Variants in GRID1 observed in about 807,000 individuals in gnomAD.
The protein encoded by GRID1 is glutamate ionotropic receptor delta type subunit 1.
A neutral mutation model predicts 98.0 loss-of-function variants in GRID1; 28 were observed. The ratio of observed to expected loss-of-function variants is 0.29; its 90% CI spans 0.21 to 0.39. The LOEUF (loss-of-function observed/expected upper bound fraction) is 0.39, where lower values mean the gene tolerates loss of function less well. GRID1 is among the 10% of genes least tolerant of loss of function. GRID1 has a pLI of 1.00. For synonymous variants in GRID1, 553 were observed against 538.5 expected, an observed-to-expected ratio of 1.03 and a Z score of -0.37; for missense variants, 1,111 against 1,340.5, an observed-to-expected ratio of 0.83 and a Z score of 2.67.
intron 3 of GRID1, among the ~76,000 whole-genome samples, chr10:86,200,469 G>A (rs1845931503): frequency 1.3e-5 from 2 of 152,206 alleles, no homozygotes; most frequent in Non-Finnish European, 2.9e-5. Context: ...GCTCGCAGAG[G>A]GGCAGGGGAG....
chr10:85,749,258 C>T (rs943319418), intron 8 of GRID1, among the ~76,000 whole-genome samples: 5 of 152,148 alleles, frequency 3.3e-5, no homozygotes, highest in Admixed American at 6.5e-5. Flanking sequence ...GCTTCTGGCT[C>T]AGAGCACTTA....
At chr10:86,010,232 T>C (rs1190162890) in intron 4 of GRID1, among the ~76,000 whole-genome samples, 1 of 152,236 alleles carries the variant, frequency 6.6e-6, no homozygotes, top group African/African-American at 2.4e-5. Flanking sequence ...ACAATGGCTA[T>C]CATGATGTTA....
At chr10:86,030,623 T>C (rs998852341) in intron 4 of GRID1, among the ~76,000 whole-genome samples, 5 of 152,168 alleles carry the variant, frequency 3.3e-5, no homozygotes, top group Admixed American at 6.5e-5. Flanking sequence ...CAGCAGTAAG[T>C]AGCCAGAAAG....
At chr10:85,883,492 GTCTCTCTCTCTCTCTCTGTC>G (rs893294329) in intron 5 of GRID1, among the ~76,000 whole-genome samples, 4 of 133,318 alleles carry the variant, frequency 3.0e-5, no homozygotes, top group South Asian at 2.4e-4. Flanking sequence ...TTCTCTCTCT[GTCTCTCTCTCTCTCTCTGTC>G]TCTCTCTCTC....
At chr10:85,876,468 T>C (rs1461600885) in intron 5 of GRID1, among the ~76,000 whole-genome samples, 2 of 152,172 alleles carry the variant, frequency 1.3e-5, no homozygotes, top group Non-Finnish European at 2.9e-5. Context: ...TAACCCAAGA[T>C]AATCGCCCCA....
intron 2 of GRID1, among the ~76,000 whole-genome samples, chr10:86,295,310 G>A (rs1847572687): frequency 6.6e-6 from 1 of 152,294 alleles, no homozygotes; most frequent in Non-Finnish European, 1.5e-5. Flanking sequence ...AAGGAGAGGA[G>A]GGAGAGAACT....
intron 8 of GRID1, among the ~76,000 whole-genome samples, chr10:85,729,939 G>A (rs1333268560): frequency 6.6e-6 from 1 of 152,216 alleles, no homozygotes; most frequent in Admixed American, 6.5e-5. Flanking sequence ...TCACTGTGAT[G>A]CCTGCAAAAT....
At chr10:85,617,640 A>G (rs999876900) in intron 14 of GRID1, among the ~76,000 whole-genome samples, 6 of 152,204 alleles carry the variant, frequency 3.9e-5, no homozygotes, top group African/African-American at 1.2e-4. Context: ...AAGATGAGGA[A>G]ACTGTGGGAA....
chr10:85,743,843 T>C (rs143265998), intron 8 of GRID1, among the ~76,000 whole-genome samples: 27 of 152,270 alleles, frequency 1.8e-4, no homozygotes, highest in East Asian at 9.7e-4. Context: ...AGGCAGAAAT[T>C]TGAATGATCC....
chr10:86,233,394 T>C (rs1252128843), intron 2 of GRID1, among the ~76,000 whole-genome samples: 1 of 152,180 alleles, frequency 6.6e-6, no homozygotes, highest in Non-Finnish European at 1.5e-5. Flanking sequence ...GGCTGTTCCC[T>C]GATGGAGTCG....
In GRID1 at chr10:86,192,861, CCA is replaced by C. The variant is rs931600534; in HGVS notation, c.520+13501_520+13502del. On this transcript the variant is annotated intron_variant, in intron 3 of 15. Transcript: ENST00000327946. This position sits in a 1 kb window ranked among gnomAD's most constrained non-coding sequence, Gnocchi z 4.8. ...TCCAGCAACAAAATCCTTAAAGGCC[CCA>C]CAGTGAGGATGCAGCCTCCCAGAGC... is the stretch of plus-strand genomic sequence containing the variant. Among the ~76,000 whole-genome samples, 11 of 151,944 alleles carry C rather than the reference CCA, an allele frequency of 7.2e-5. 1 individual carries two copies. The highest frequency in any genetic ancestry group is 1.3e-4 in the Non-Finnish European group (9 of 67,900).
At chr10:85,769,917 C>T (rs551307298) in intron 8 of GRID1, among the ~76,000 whole-genome samples, 13 of 152,214 alleles carry the variant, frequency 8.5e-5, no homozygotes, top group Non-Finnish European at 8.8e-5. Context: ...AACAAAAACA[C>T]GGCAGTAACC....
At chr10:86,330,719 A>G (rs1848127351) in intron 2 of GRID1, among the ~76,000 whole-genome samples, 1 of 152,228 alleles carries the variant, frequency 6.6e-6, no homozygotes, top group African/African-American at 2.4e-5. Context: ...TGTGGCTCAC[A>G]GCAAATCTCA....
chr10:86,055,727 A>C (rs1471711974), intron 4 of GRID1, among the ~76,000 whole-genome samples: 1 of 152,076 alleles, frequency 6.6e-6, no homozygotes, highest in African/African-American at 2.4e-5. Flanking sequence ...TGGGCAACAG[A>C]GTGAGACTTC....
chr10:85,765,037 G>C (rs2132702775), intron 8 of GRID1, among the ~76,000 whole-genome samples: 1 of 152,234 alleles, frequency 6.6e-6, no homozygotes, highest in Non-Finnish European at 1.5e-5. Context: ...ATTTAGGATG[G>C]TTGCAGGTGC....
chr10:85,731,881 A>AAGGGAGGT (rs1841829142), intron 8 of GRID1, among the ~76,000 whole-genome samples: 2 of 148,200 alleles, frequency 1.3e-5, no homozygotes, highest in African/African-American at 5.0e-5. Flanking sequence ...GGGATAAAGA[A>AAGGGAGGT]AGGGAGGTAG....
chr10:85,725,119 A>C (rs1841748026), intron 10 of GRID1, among the ~76,000 whole-genome samples: 1 of 151,650 alleles, frequency 6.6e-6, no homozygotes, highest in Admixed American at 6.6e-5. Context: ...TCTTCATCAC[A>C]CCTCTCAGAC....
intron 8 of GRID1, among the ~76,000 whole-genome samples, chr10:85,792,647 G>A (rs1202489499): frequency 6.6e-6 from 1 of 152,158 alleles, no homozygotes; most frequent in African/African-American, 2.4e-5. Context: ...CTGCAGCTCT[G>A]TCCAAGCACC....
intron 8 of GRID1, among the ~76,000 whole-genome samples, chr10:85,780,564 G>C (rs184560154): frequency 1.6e-4 from 25 of 152,256 alleles, no homozygotes; most frequent in Non-Finnish European, 2.6e-4. Context: ...CCCTCCTATG[G>C]GGCTGCTGCT....
Sources: gnomAD v4.1 joint callset for allele counts (sites outside exome capture counted in the v4.1 genomes callset) on GRCh38, gnomAD v4.1.1 for gene constraint, Gnocchi (gnomAD v3.1) non-coding constraint, MANE v1.5 for transcripts, NCBI Gene and HGNC (gene_info 2026-07-23, HGNC 2026-07-21) for gene names.